SRSF12: variants seen among roughly 807,000 people sequenced by gnomAD.
SRSF12 encodes serine and arginine rich splicing factor 12.
A neutral mutation model predicts 34.1 loss-of-function variants in SRSF12; 21 were observed. The observed-to-expected ratio is 0.62, with a 90% CI of 0.44 to 0.89. The LOEUF is 0.89. Ranked by LOEUF, SRSF12 falls within the 40% of genes least tolerant of loss-of-function variation. SRSF12 has a pLI of 0.00. For synonymous variants in SRSF12, 111 were observed against 110.8 expected (o/e 1.00, Z -0.01); for missense variants, 278 against 327.8 (o/e 0.85, Z 1.17).
At chr6:89,117,764 G>T in intron 1 of SRSF12, 59 bp downstream of exon 1, 1 of 1,485,002 alleles carries the variant, frequency 6.7e-7, no homozygotes, top group Non-Finnish European at 9.0e-7. Flanking sequence ...CGTGCTCCGC[G>T]GCGCGGCTGT....
rs1314083618 is a variant in SRSF12, at chr6:89,097,418, T to C, written c.*1160A>G. On this transcript the variant is annotated 3_prime_UTR_variant, in exon 5 of 5. Coordinates refer to ENST00000452027, the MANE Select transcript of SRSF12 (RefSeq NM_080743.5). ...ATAACAACTACAAAAGCAATAAATATCAATAAAGTTATTTGGCTGTCAGAA... is the reference window on the plus strand; with the variant it reads ...ATAACAACTACAAAAGCAATAAATACCAATAAAGTTATTTGGCTGTCAGAA... 3 of 152,136 alleles carry C rather than the reference T, an allele frequency of 2.0e-5. No individual in the cohort carries two copies. Among genetic ancestry groups the C allele is most frequent in the African/African-American group, 4.8e-5 (2 of 41,428 alleles). 9.4% of individuals were successfully genotyped at this position (152,136 alleles called of 1,614,324 possible). A position where few individuals can be genotyped will look rare whatever the true frequency, so the allele number is the denominator to read the frequency against.
rs1175779651 is a variant in SRSF12, at chr6:89,117,803, C to G, written c.65+20G>C. The G allele has an allele frequency of 1.3e-6, 2 of 1,546,586 alleles. No homozygotes were observed. The highest frequency in any genetic ancestry group is 1.4e-5 in the African/African-American group (1 of 70,004). On this transcript the variant is annotated intron_variant, in intron 1 of 4. Transcript: ENST00000452027. Reference sequence around the variant, plus strand: ...CCCGCCCCTCCTCCGCGCCCCCAACCTGCAGCCGCGGCCGTTCACCTGGTG... The same window carrying G: ...CCCGCCCCTCCTCCGCGCCCCCAACGTGCAGCCGCGGCCGTTCACCTGGTG...
At chr6:89,105,568 C>T (rs917035584) in intron 2 of SRSF12, 38 bp from the exon 3 acceptor site, 4 of 1,392,200 alleles carry the variant, frequency 2.9e-6, no homozygotes, top group Middle Eastern at 1.8e-4. Flanking sequence ...CATGAGATAT[C>T]AAGTAAACAT....
rs1023349560 is a variant in SRSF12 at position 89,097,263 on chromosome 6, A to C, written c.*1315T>G. On this transcript the variant is annotated 3_prime_UTR_variant, in exon 5 of 5. Coordinates refer to ENST00000452027, the MANE Select transcript of SRSF12 (RefSeq NM_080743.5). ...TTGAAGTTTTCATAATGTAAGTCAC[A>C]AAGTATACAAGTAGAGCTCTATAAA... The C allele has an allele frequency of 9.9e-5, 15 of 152,186 alleles. No homozygotes were observed. Among genetic ancestry groups the C allele is most frequent in the African/African-American group, 3.6e-4 (15 of 41,452 alleles). The allele number at this position is 152,186 out of a possible 1,614,324, so 9.4% of individuals were successfully genotyped here. A position where few individuals can be genotyped will look rare whatever the true frequency, so the allele number is the denominator to read the frequency against.
chr6:89,103,991 CTTTTTTTTTTTTT>C (rs55760020), intron 4 of SRSF12, among the ~76,000 whole-genome samples: 6 of 81,950 alleles, frequency 7.3e-5, no homozygotes, highest in Admixed American at 3.3e-4. Flanking sequence ...TATTATATTT[CTTTTTTTTTTTTT>C]TTTTTTTTTT....
intron 1 of SRSF12, among the ~76,000 whole-genome samples, chr6:89,116,825 C>T (rs1769320285): frequency 6.6e-6 from 1 of 151,844 alleles, no homozygotes. Flanking sequence ...TTTATTTACT[C>T]CTCAAAGGTA....
At chr6:89,103,187 G>C (rs924754044) in intron 4 of SRSF12, among the ~76,000 whole-genome samples, 2 of 152,116 alleles carry the variant, frequency 1.3e-5, no homozygotes, top group Non-Finnish European at 2.9e-5. Flanking sequence ...GATACTCCAG[G>C]ATGATTTGAG....
intron 1 of SRSF12, among the ~76,000 whole-genome samples, chr6:89,117,218 C>T (rs905124999): frequency 2.6e-5 from 4 of 152,126 alleles, no homozygotes; most frequent in African/African-American, 9.7e-5. Flanking sequence ...GGACTCAGAA[C>T]TTTAAAGAAA....
Position 89,117,982 on chromosome 6 carries a change from C to T in SRSF12, c.-95G>A, listed in dbSNP as rs1034377431. 9 of 1,357,818 alleles carry T rather than the reference C, an allele frequency of 6.6e-6. No homozygotes were observed. The Admixed American group carries it at 7.7e-5, about 12-fold the overall frequency. The allele number at this position is 1,357,818 out of a possible 1,614,324, so 84.1% of individuals were successfully genotyped here. On this transcript the variant is annotated 5_prime_UTR_variant, in exon 1 of 5. Transcript: ENST00000452027. The stretch of plus-strand genomic sequence containing the variant: ...CTACCACCACAGGAGCTCCGCCGGC[C>T]CCCGGCGCGACCCCCACCCCTCGGC...
At chr6:89,108,677 G>A (rs1261792782) in intron 1 of SRSF12, among the ~76,000 whole-genome samples, 1 of 152,200 alleles carries the variant, frequency 6.6e-6, no homozygotes, top group Non-Finnish European at 1.5e-5. Context: ...CTAGATCAAG[G>A]AGGAAGAAAA....
intron 1 of SRSF12, among the ~76,000 whole-genome samples, chr6:89,109,117 C>G (rs1214380245): frequency 1.3e-5 from 2 of 152,154 alleles, no homozygotes; most frequent in East Asian, 1.9e-4. Context: ...AGACCATAGA[C>G]TGGCATAAAG....
chr6:89,105,220 A>T lies in SRSF12; in HGVS notation c.315T>A (p.Ser105=). 3 of 1,611,892 alleles carry T rather than the reference A, an allele frequency of 1.9e-6. No homozygotes were observed. Among genetic ancestry groups the T allele is most frequent in the Non-Finnish European group, 1.7e-6 (2 of 1,178,584 alleles). The part of the protein sequence containing the change: ...QMKSKERHPC[S]PSDHRRSRSP... The stretch of plus-strand genomic sequence containing the variant: ...TTCTTGATCTCCTGTGATCACTTGG[A>T]GAACAAGGATGACGTTCTTTTGATT... The change falls in exon 4 of 5, where the codon TCT becomes TCA. Residue 105 remains serine, a synonymous_variant. Transcript: ENST00000452027.
chr6:89,117,231 C>T (rs1303033886), intron 1 of SRSF12, among the ~76,000 whole-genome samples: 2 of 152,124 alleles, frequency 1.3e-5, no homozygotes, highest in African/African-American at 2.4e-5. Flanking sequence ...TAAAGAAAAA[C>T]GCACTGATCT....
At position 89,096,876 on chromosome 6, in the gene SRSF12, TCTTA is replaced by T; in HGVS notation, c.*1698_*1701del. 6.6e-6 allele frequency: 1 copy of T among 152,348 alleles called. No homozygotes were observed. The highest frequency in any genetic ancestry group is 2.4e-5 in the African/African-American group (1 of 41,580). 9.4% of individuals were successfully genotyped at this position (152,348 alleles called of 1,614,324 possible). On this transcript the variant is annotated 3_prime_UTR_variant, in exon 5 of 5. Transcript: ENST00000452027. ...TACTAAAAATTTCTATCAATATCTG[TCTTA>T]CTCATTCTTCAGATTATCCTTTAGA...
intron 1 of SRSF12, among the ~76,000 whole-genome samples, chr6:89,114,574 A>G (rs1211396766): frequency 6.6e-6 from 1 of 151,966 alleles, no homozygotes; most frequent in Non-Finnish European, 1.5e-5. Flanking sequence ...ATAATCTTGT[A>G]GATTTTGATT....
chr6:89,116,904 G>A (rs1281160552), intron 1 of SRSF12, among the ~76,000 whole-genome samples: 1 of 152,048 alleles, frequency 6.6e-6, no homozygotes, highest in African/African-American at 2.4e-5. Context: ...TCTGGCCCCA[G>A]GTAAATCATT....
intron 2 of SRSF12, 167 bp downstream of exon 2, chr6:89,106,987 T>TG: frequency 1.4e-6 from 1 of 727,478 alleles, no homozygotes. Flanking sequence ...TGGTTCAAAC[T>TG]GGGGGGTGCT....
chr6:89,112,197 T>C (rs2039292), intron 1 of SRSF12, among the ~76,000 whole-genome samples: 108,636 of 151,792 alleles, frequency 0.72, 38,990 homozygotes, highest in East Asian at 0.84. Flanking sequence ...ATTACAGGCA[T>C]GAGCCACCTC....
rs1317376367 is a variant in SRSF12, at chr6:89,115,623, TTTTC to T, written c.65+2196_65+2199del. 1.8e-3 allele frequency among the ~76,000 whole-genome samples: 267 copies of T among 147,596 alleles called. 1 individual carries two copies. The highest frequency in any genetic ancestry group is 5.4e-3 in the South Asian group (25 of 4,672). On this transcript the variant is annotated intron_variant, in intron 1 of 4. Coordinates refer to ENST00000452027, the MANE Select transcript of SRSF12 (RefSeq NM_080743.5). ...TCAAATCTACAAATGGGGTTTTCTTTTTTCTTTCTTTTTTTTTTTTTTTTTTTTT... is the reference window on the plus strand; with the variant it reads ...TCAAATCTACAAATGGGGTTTTCTTTTTTCTTTTTTTTTTTTTTTTTTTTT...
Sources: allele counts gnomAD v4.1 joint callset (sites outside exome capture counted in the v4.1 genomes callset), GRCh38; gene constraint gnomAD v4.1.1; transcripts MANE v1.5; gene names NCBI Gene and HGNC (gene_info 2026-07-23, HGNC 2026-07-21).